Variants in ENPP2 observed in about 807,000 individuals in gnomAD.
ENPP2 encodes the protein ectonucleotide pyrophosphatase/phosphodiesterase 2, also known as autotaxin.
ENPP2 carries 51 observed loss-of-function variants against 120.2 expected under a neutral mutation model. The observed-to-expected ratio is 0.42, with a 90% CI of 0.34 to 0.54. ENPP2 has a LOEUF of 0.54. ENPP2 is among the 20% of genes least tolerant of loss of function. The pLI is 0.04. For missense variants in ENPP2, 920 were observed against 1,066.5 expected (o/e 0.86, Z 1.91); for synonymous variants, 365 against 366.4 (o/e 1.00, Z 0.04).
Position 119,600,742 on chromosome 8 carries a change from A to G in ENPP2, c.908T>C (p.Val303Ala). The G allele has an allele frequency of 1.2e-6, 2 of 1,605,942 alleles. No homozygotes were observed. The highest frequency in any genetic ancestry group is 1.7e-6 in the Non-Finnish European group (2 of 1,172,614). ...LTLPDHERPSVYAFYSEQPDF... is the reference protein window; with the variant it reads ...LTLPDHERPSAYAFYSEQPDF... ...AGGTTGCTCAGAATAGAAGGCATAGACCGAAGGCCTATAAGAAAATTGGAA... is the reference window on the plus strand; with the variant it reads ...AGGTTGCTCAGAATAGAAGGCATAGGCCGAAGGCCTATAAGAAAATTGGAA... Residue 303 changes from valine to alanine, a missense_variant, in exon 11 of 25, where the codon GTC becomes GCC. Physicochemically the swap from Val to Ala is moderately conservative, Grantham distance 64 (BLOSUM62 0). Coordinates refer to ENST00000075322, the MANE Select transcript of ENPP2 (RefSeq NM_001040092.3).
In ENPP2 at chr8:119,601,604, T is replaced by G. The variant is rs150113677; in HGVS notation, c.834-142A>C. 1,190 of 634,982 alleles carry G rather than the reference T, an allele frequency of 1.9e-3. 10 individuals carry two copies. The African/African-American group carries it at 0.02, about 11-fold the overall frequency. 39.3% of individuals were successfully genotyped at this position (634,982 alleles called of 1,614,324 possible). A position where few individuals can be genotyped will look rare whatever the true frequency, so the allele number is the denominator to read the frequency against. ...TCACTTCATTTGTAGTAAAAGGCCC[T>G]CTTTCGAATTAGCGTTTAAACTACT... On this transcript the variant is annotated intron_variant, in intron 9 of 24. Coordinates refer to ENST00000075322, the MANE Select transcript of ENPP2 (RefSeq NM_001040092.3).
chr8:119,649,417 A>AAG (rs1554626041), intron 1 of ENPP2, among the ~76,000 whole-genome samples: 4 of 151,388 alleles, frequency 2.6e-5, no homozygotes, highest in African/African-American at 9.7e-5. Flanking sequence ...AAAAAAAAAG[A>AAG]AAAGAAAAGA....
chr8:119,611,846 T>C (rs771214966), intron 8 of ENPP2, among the ~76,000 whole-genome samples: 100 of 152,036 alleles, frequency 6.6e-4, no homozygotes, highest in Non-Finnish European at 1.1e-3. Flanking sequence ...GTTGACATAG[T>C]GAAACGCCAC....
At chr8:119,566,113 T>C (rs1341709085) in intron 22 of ENPP2, among the ~76,000 whole-genome samples, 1 of 152,224 alleles carries the variant, frequency 6.6e-6, no homozygotes, top group Non-Finnish European at 1.5e-5. Context: ...TTCCTGGATC[T>C]GTGCATGTCT....
At chr8:119,565,587 T>C (rs1278721352) in intron 22 of ENPP2, among the ~76,000 whole-genome samples, 1 of 152,086 alleles carries the variant, frequency 6.6e-6, no homozygotes, top group African/African-American at 2.4e-5. Flanking sequence ...AGCCTAAGAG[T>C]CATCCTTGCT....
At chr8:119,616,114 T>C in intron 8 of ENPP2, 151 bp downstream of exon 8, 1 of 590,988 alleles carries the variant, frequency 1.7e-6, no homozygotes, top group Non-Finnish European at 2.9e-6. Context: ...TATTTCATGT[T>C]TGTATGTATA....
At position 119,590,535 on chromosome 8, in the gene ENPP2, T is replaced by C. The variant is rs773255093; in HGVS notation, c.1177A>G (p.Ile393Val). 1 of 1,598,078 alleles carries C rather than the reference T, an allele frequency of 6.3e-7. No individual in the cohort carries two copies. Among genetic ancestry groups the C allele is most frequent in the Non-Finnish European group, 8.5e-7 (1 of 1,173,304 alleles). Residue 393 changes from isoleucine to valine, a missense_variant, in exon 13 of 25, where the codon ATT (isoleucine) becomes GTT (valine). Coordinates refer to ENST00000075322, the MANE Select transcript of ENPP2 (RefSeq NM_001040092.3). ...GCATTGTTGCTAAATTTGGATCGAA[T>C]TCTTCCTAGAGTTCCAGGCACTAAA... The part of the protein sequence containing the change: ...ITLVPGTLGR[I>V]RSKFSNNAKY...
chr8:119,641,261 C>T (rs553487120), upstream of ENPP2, among the ~76,000 whole-genome samples: 790 of 151,720 alleles, frequency 5.2e-3, 6 homozygotes, highest in Non-Finnish European at 8.1e-3. Context: ...ACCAAAGTCC[C>T]TACCTCGGCT....
At chr8:119,642,857 GA>G (rs1230068804), upstream of ENPP2, among the ~76,000 whole-genome samples, 1 of 152,158 alleles carries the variant, frequency 6.6e-6, no homozygotes, top group Non-Finnish European at 1.5e-5. Context: ...ATGAAGATAA[GA>G]AGGCTTGAGG....
At chr8:119,673,360 A>G in exon 1 of ENPP2, 1 of 1,480,986 alleles carries the variant, frequency 6.8e-7, no homozygotes, top group Admixed American at 2.0e-5. Flanking sequence ...TGTGCTCGGG[A>G]CGGCTGCTGC....
rs1426159991 is a variant in ENPP2 at position 119,583,809 on chromosome 8, CAAAAG to C, written c.1456-10_1456-6del. ...GCCATAACCTACAAAAACAGTCTTC[CAAAAG>C]AAAAGAAAAACAAAAACAGTTAAGC... On this transcript the variant is annotated splice_polypyrimidine_tract_variant and splice_region_variant and intron_variant, in intron 16 of 24. Coordinates refer to ENST00000075322, the MANE Select transcript of ENPP2 (RefSeq NM_001040092.3). 1 of 1,571,538 alleles carries C rather than the reference CAAAAG, an allele frequency of 6.4e-7. No homozygotes were observed. The highest frequency in any genetic ancestry group is 8.7e-7 in the Non-Finnish European group (1 of 1,146,868).
chr8:119,582,815 G>C (rs1432577609), intron 17 of ENPP2, among the ~76,000 whole-genome samples: 1 of 152,170 alleles, frequency 6.6e-6, no homozygotes, highest in Non-Finnish European at 1.5e-5. Context: ...AAATACCCAA[G>C]TTCATTGCCT....
chr8:119,624,571 A>G (rs1273698891), intron 3 of ENPP2, among the ~76,000 whole-genome samples: 1 of 152,206 alleles, frequency 6.6e-6, no homozygotes, highest in Non-Finnish European at 1.5e-5. Context: ...ATATGCATCA[A>G]TTATATTCAT....
chr8:119,583,578 T>A (rs1035324476), intron 17 of ENPP2, 139 bp downstream of exon 17: 2 of 585,652 alleles, frequency 3.4e-6, no homozygotes, highest in Non-Finnish European at 6.2e-6. Context: ...TTTGAACCAA[T>A]GGGCAAGTTA....
intron 12 of ENPP2, among the ~76,000 whole-genome samples, chr8:119,592,018 C>T (rs1813541568): frequency 6.6e-6 from 1 of 152,186 alleles, no homozygotes; most frequent in Non-Finnish European, 1.5e-5. Context: ...CGTCATCAGC[C>T]TTCACTCTGC....
At chr8:119,619,031 G>A (rs1815687538) in intron 5 of ENPP2, among the ~76,000 whole-genome samples, 1 of 152,112 alleles carries the variant, frequency 6.6e-6, no homozygotes, top group African/African-American at 2.4e-5. Context: ...TATGTGCAGA[G>A]GTGATTGGAG....
intron 1 of ENPP2, among the ~76,000 whole-genome samples, chr8:119,653,152 G>T (rs1817673225): frequency 1.3e-5 from 2 of 152,140 alleles, no homozygotes; most frequent in East Asian, 1.9e-4. Flanking sequence ...GTTTTAAGAG[G>T]TCACTACAAA....
At chr8:119,617,949 CAA>C (rs1237636894) in intron 5 of ENPP2, among the ~76,000 whole-genome samples, 1 of 151,550 alleles carries the variant, frequency 6.6e-6, no homozygotes, top group African/African-American at 2.4e-5. Context: ...AACTCCATCT[CAA>C]AAAAAATATA....
chr8:119,604,432 G>T (rs1814547836), intron 9 of ENPP2, among the ~76,000 whole-genome samples: 1 of 152,146 alleles, frequency 6.6e-6, no homozygotes. Flanking sequence ...ATGGCCCTTA[G>T]CCATTAGCAT....
Sources: gnomAD v4.1 joint callset for allele counts (sites outside exome capture counted in the v4.1 genomes callset) on GRCh38, gnomAD v4.1.1 for gene constraint, MANE v1.5 for transcripts, NCBI Gene and HGNC (gene_info 2026-07-23, HGNC 2026-07-21) for gene names.